The following EPB41L3 variants were observed in gnomAD, a reference collection of about 807,000 sequenced individuals.
The protein encoded by EPB41L3 is erythrocyte membrane protein band 4.1 like 3.
A neutral mutation model predicts 127.1 loss-of-function variants in EPB41L3; 57 were observed. The observed-to-expected ratio is 0.45, with a 90% confidence interval of 0.36 to 0.56. The LOEUF (loss-of-function observed/expected upper bound fraction) is 0.56. EPB41L3 is among the 20% of genes least tolerant of loss of function. EPB41L3 has a pLI of 0.00. For missense variants in EPB41L3, 1,273 were observed against 1,372.2 expected, an observed-to-expected ratio of 0.93 and a Z score of 1.14; for synonymous variants, 572 against 549.5, an observed-to-expected ratio of 1.04 and a Z score of -0.57.
In EPB41L3 at chr18:5,461,319, A is replaced by C. The variant is rs529103250; in HGVS notation, c.382-16075T>G. On this transcript the variant is annotated intron_variant, in intron 3 of 22. Transcript: ENST00000341928. ...TTCCAGTTTTCCAAACACCATAACA[A>C]GAACCAATTCCTTATGCTGCCTGTG... Among the ~76,000 whole-genome samples the C allele has an allele frequency of 1.5e-4, 23 of 152,322 alleles. No homozygotes were observed. The South Asian group carries it at 2.5e-3, about 16-fold the overall frequency.
intron 1 of EPB41L3, among the ~76,000 whole-genome samples, chr18:5,525,361 A>G (rs1276983653): frequency 1.3e-5 from 2 of 152,230 alleles, no homozygotes; most frequent in Non-Finnish European, 2.9e-5. Context: ...GAATAGTAAT[A>G]TTAATAACAC....
At chr18:5,544,360 G>A (rs1297087835), upstream of EPB41L3, 1 of 979,730 alleles carries the variant, frequency 1.0e-6, no homozygotes, top group Non-Finnish European at 1.2e-6. Flanking sequence ...GGAGGGAGAG[G>A]GTGTTCCTGA....
At chr18:5,420,684 C>T (rs569565383) in intron 11 of EPB41L3, among the ~76,000 whole-genome samples, 5 of 152,134 alleles carry the variant, frequency 3.3e-5, no homozygotes, top group Admixed American at 2.6e-4. Context: ...CCAGCTAAAA[C>T]GTCTTAGTGA....
rs994352616 is a variant in EPB41L3, at chr18:5,510,560, T to C, written c.-11-21366A>G. 3.9e-5 allele frequency among the ~76,000 whole-genome samples: 6 copies of C among 152,272 alleles called. No homozygotes were observed. In the East Asian group the frequency reaches 1.2e-3, roughly 29 times the overall value. On this transcript the variant is annotated intron_variant, in intron 1 of 22. Coordinates refer to ENST00000341928, the MANE Select transcript of EPB41L3 (RefSeq NM_012307.5). ...CCAGTAGTTCAGCAGTGAAGGTCAG[T>C]GGGGTATGTATGGGAACCACAAATG... is the stretch of plus-strand genomic sequence containing the variant.
In EPB41L3 at chr18:5,567,569, G is replaced by C. The variant is rs542894048; in HGVS notation, c.-306+44771C>G. On this transcript the variant is annotated intron_variant, in intron 3 of 21. Transcript: ENST00000545076. ...TTTATTTGTGCTTATCTCAGAAAGTGAGAAAGAGAAAGAGAAAAAGAGAAA... is the reference window on the plus strand; with the variant it reads ...TTTATTTGTGCTTATCTCAGAAAGTCAGAAAGAGAAAGAGAAAAAGAGAAA... Among the ~76,000 whole-genome samples, 4 of 151,950 alleles carry C rather than the reference G, an allele frequency of 2.6e-5. No individual in the cohort carries two copies. The East Asian group carries it at 7.8e-4, about 30-fold the overall frequency.
intron 1 of EPB41L3, among the ~76,000 whole-genome samples, chr18:5,537,013 A>G (rs896360710): frequency 6.6e-6 from 1 of 152,192 alleles, no homozygotes; most frequent in Non-Finnish European, 1.5e-5. Flanking sequence ...GTTTGCATGT[A>G]TTACATCATT....
intron 2 of EPB41L3, among the ~76,000 whole-genome samples, chr18:5,485,043 C>G (rs1158289398): frequency 6.6e-6 from 1 of 151,560 alleles, no homozygotes; most frequent in Admixed American, 6.6e-5. Context: ...ACAAACAAAA[C>G]CTACAGGCCA....
intron 15 of EPB41L3, 99 bp downstream of exon 15, chr18:5,407,602 A>G: frequency 7.9e-7 from 1 of 1,272,352 alleles, no homozygotes; most frequent in Non-Finnish European, 1.1e-6. Context: ...AACCAGCTAC[A>G]GAGCATGCTG....
At chr18:5,518,449 A>C (rs2092842963) in intron 1 of EPB41L3, 1 of 152,572 alleles carries the variant, frequency 6.6e-6, no homozygotes, top group Admixed American at 6.6e-5. Context: ...TCCTTGCCCC[A>C]CTTCATTCTG....
intron 3 of EPB41L3, among the ~76,000 whole-genome samples, chr18:5,604,362 C>T (rs932200208): frequency 6.6e-6 from 1 of 152,012 alleles, no homozygotes; most frequent in African/African-American, 2.4e-5. Context: ...TTGCCATTTG[C>T]TGCTTTTAGA....
At chr18:5,513,763 A>T (rs2092640900) in intron 1 of EPB41L3, among the ~76,000 whole-genome samples, 1 of 152,218 alleles carries the variant, frequency 6.6e-6, no homozygotes, top group Non-Finnish European at 1.5e-5. Flanking sequence ...TAATTTATAC[A>T]GGATCTGGCA....
intron 3 of EPB41L3, among the ~76,000 whole-genome samples, chr18:5,465,965 C>T (rs1341938745): frequency 8.0e-6 from 1 of 124,760 alleles, no homozygotes. Context: ...TGTATTACCA[C>T]CACCAACAAA....
intron 8 of EPB41L3, among the ~76,000 whole-genome samples, chr18:5,430,266 C>T (rs149980837): frequency 6.6e-6 from 1 of 152,158 alleles, no homozygotes; most frequent in African/African-American, 2.4e-5. Flanking sequence ...GCAAATGGCA[C>T]TGAAATAAAC....
intron 3 of EPB41L3, among the ~76,000 whole-genome samples, chr18:5,585,544 A>G (rs1262487759): frequency 6.6e-6 from 1 of 152,130 alleles, no homozygotes; most frequent in Non-Finnish European, 1.5e-5. Flanking sequence ...AAAACAAGCA[A>G]TGCAAGTCCA....
At chr18:5,556,172 A>C (rs1196580295) in intron 3 of EPB41L3, among the ~76,000 whole-genome samples, 2 of 152,260 alleles carry the variant, frequency 1.3e-5, no homozygotes, top group African/African-American at 2.4e-5. Context: ...GAATCAGGAC[A>C]GTACATAATG....
At chr18:5,545,431 G>A (rs1315266309), upstream of EPB41L3, among the ~76,000 whole-genome samples, 1 of 152,160 alleles carries the variant, frequency 6.6e-6, no homozygotes, top group African/African-American at 2.4e-5. Context: ...TCTAGAATAG[G>A]GAAGACTTTG....
At chr18:5,595,943 G>A (rs948986109) in intron 3 of EPB41L3, among the ~76,000 whole-genome samples, 1 of 152,068 alleles carries the variant, frequency 6.6e-6, no homozygotes, top group East Asian at 1.9e-4. Context: ...CACATTCTCT[G>A]GGGAATCTTT....
chr18:5,544,975 TTGTA>T (rs1202269604), upstream of EPB41L3, among the ~76,000 whole-genome samples: 2 of 152,102 alleles, frequency 1.3e-5, no homozygotes, highest in South Asian at 2.1e-4. Flanking sequence ...TTAAAATAAA[TTGTA>T]TGTATATTTA....
chr18:5,564,983 G>T (rs1390740016), intron 3 of EPB41L3, among the ~76,000 whole-genome samples: 1 of 152,090 alleles, frequency 6.6e-6, no homozygotes, highest in Non-Finnish European at 1.5e-5. Flanking sequence ...AAAATAAACG[G>T]CCACATAGCA....
Sources: gnomAD v4.1 joint callset for allele counts (sites outside exome capture counted in the v4.1 genomes callset) on GRCh38, gnomAD v4.1.1 for gene constraint, MANE v1.5 for transcripts, NCBI Gene and HGNC (gene_info 2026-07-23, HGNC 2026-07-21) for gene names.